UMOD: variants seen among roughly 807,000 people sequenced by gnomAD.
UMOD encodes the protein uromodulin.
Under a neutral mutation model 66.0 loss-of-function variants are expected in UMOD, and 64 were observed. The ratio of observed to expected loss-of-function variants is 0.97; its 90% CI spans 0.79 to 1.19. UMOD has a LOEUF of 1.19. Ranked by LOEUF, UMOD falls within the 50% of genes most tolerant of loss-of-function variation. The pLI, the probability that UMOD is intolerant of heterozygous loss-of-function variation, is 0.00. For synonymous variants in UMOD, 398 were observed against 352.7 expected, an observed-to-expected ratio of 1.13 and a Z score of -1.44; for missense variants, 764 against 850.9, an observed-to-expected ratio of 0.90 and a Z score of 1.27.
rs752229557 is a variant in UMOD, at chr16:20,344,005, G to T, written c.1331+19C>A. 2 of 1,612,862 alleles carry T rather than the reference G, an allele frequency of 1.2e-6. No individual in the cohort carries two copies. The highest frequency in any genetic ancestry group is 1.7e-6 in the Non-Finnish European group (2 of 1,179,966). ...GGTTAGAACCATCTAGGGGCCCTAG[G>T]GACCCTCTCTGGCCACACCTGACCA... On this transcript the variant is annotated intron_variant, in intron 6 of 10. Coordinates refer to ENST00000396138, the MANE Select transcript of UMOD (RefSeq NM_003361.4).
intron 4 of UMOD, among the ~76,000 whole-genome samples, chr16:20,346,873 AAAAGAAAGAGAGAAAGAAAG>A (rs1190497992): frequency 8.9e-6 from 1 of 112,414 alleles, no homozygotes; most frequent in South Asian, 3.2e-4. Context: ...TATAATAAAA[AAAAGAAAGAGAGAAAGAAAG>A]AAAGAAAGAA....
At chr16:20,338,804 A>G (rs1965022176) in intron 7 of UMOD, among the ~76,000 whole-genome samples, 1 of 149,744 alleles carries the variant, frequency 6.7e-6, no homozygotes, top group African/African-American at 2.5e-5. Flanking sequence ...TTGTTGCCCA[A>G]GCTGGAGTGC....
chr16:20,353,291 T>A (rs1169577748), upstream of UMOD, among the ~76,000 whole-genome samples: 3 of 152,166 alleles, frequency 2.0e-5, no homozygotes, highest in Non-Finnish European at 4.4e-5. Context: ...TGACCCACTC[T>A]GTACAACAAA....
chr16:20,346,481 A>C, intron 4 of UMOD, 147 bp from the exon 5 acceptor site: 1 of 780,134 alleles, frequency 1.3e-6, no homozygotes, highest in Non-Finnish European at 2.2e-6. Flanking sequence ...TCCCAATGTG[A>C]TGGGGACTCA....
chr16:20,346,095 C>G, intron 5 of UMOD, 31 bp downstream of exon 5: 1 of 1,604,404 alleles, frequency 6.2e-7, no homozygotes, highest in Non-Finnish European at 8.5e-7. Context: ...AGGCAGTGCT[C>G]TGGTTCTGTC....
intron 10 of UMOD, 44 bp from the exon 11 acceptor site, chr16:20,333,419 C>T: frequency 6.4e-7 from 1 of 1,574,244 alleles, no homozygotes; most frequent in Non-Finnish European, 8.7e-7. Context: ...TACTGCTGTA[C>T]TTTTGTGCAA....
intron 6 of UMOD, among the ~76,000 whole-genome samples, chr16:20,343,654 A>G (rs1218484113): frequency 6.6e-6 from 1 of 152,186 alleles, no homozygotes; most frequent in Non-Finnish European, 1.5e-5. Flanking sequence ...CTCCCATATC[A>G]TTTAATTCTT....
intron 7 of UMOD, among the ~76,000 whole-genome samples, chr16:20,339,051 G>A (rs866939380): frequency 6.6e-6 from 1 of 152,202 alleles, no homozygotes; most frequent in Non-Finnish European, 1.5e-5. Context: ...GTGAGCCATC[G>A]TGCCCGTTAT....
chr16:20,346,659 G>A (rs764072820), intron 4 of UMOD, among the ~76,000 whole-genome samples: 2 of 152,228 alleles, frequency 1.3e-5, no homozygotes, highest in African/African-American at 4.8e-5. Context: ...GGCTAGATGC[G>A]GTGGCTCATG....
intron 2 of UMOD, among the ~76,000 whole-genome samples, chr16:20,350,094 T>A (rs896229578): frequency 2.0e-5 from 3 of 152,018 alleles, no homozygotes; most frequent in Admixed American, 6.6e-5. Context: ...AGAACCAGGA[T>A]AAAAACGCAG....
Position 20,335,473 on chromosome 16 carries a change from T to C in UMOD, c.1861+9A>G, listed in dbSNP as rs1567299100. The C allele has an allele frequency of 6.2e-7, 1 of 1,614,058 alleles. No homozygotes were observed. On this transcript the variant is annotated intron_variant, in intron 10 of 10. Coordinates refer to ENST00000396138, the MANE Select transcript of UMOD (RefSeq NM_003361.4). ...AACAGGTCCCACTGCAGAAAGGACCTGAACTTACCCAAGCTGCTAAAAGCC... is the reference window on the plus strand; with the variant it reads ...AACAGGTCCCACTGCAGAAAGGACCCGAACTTACCCAAGCTGCTAAAAGCC...
chr16:20,344,496 G>A lies in UMOD; in HGVS notation c.1183-324C>T, dbSNP rs572277552. On this transcript the variant is annotated intron_variant, in intron 5 of 10. Coordinates refer to ENST00000396138, the MANE Select transcript of UMOD (RefSeq NM_003361.4). ...TGGGTGCCTGTAATCCCAACTACTC[G>A]GGAGGCTGAGACAGGAGAATCGCTT... Among the ~76,000 whole-genome samples, 4 of 151,810 alleles carry A rather than the reference G, an allele frequency of 2.6e-5. No individual in the cohort carries two copies. The East Asian group carries it at 7.8e-4, about 29-fold the overall frequency.
At chr16:20,352,990 A>G (rs1001770424), upstream of UMOD, 3 of 347,546 alleles carry the variant, frequency 8.6e-6, no homozygotes, top group Non-Finnish European at 1.5e-5. Context: ...GAGATTCCAT[A>G]GTTAGAAATT....
In UMOD at chr16:20,348,437, T is replaced by A; in HGVS notation, c.864A>T (p.Thr288=). Residue 288 remains threonine, a splice_region_variant and synonymous_variant, in exon 3 of 11, where the codon ACA becomes ACT. Transcript: ENST00000396138. ...GACTGTGGGGAGACTCCGGCTGACC[T>A]GTGCAGTACGCCAGGTGACACTCGG... is the stretch of plus-strand genomic sequence containing the variant. ...APPECHLAYC[T]DPSSVEGTCE... 6.2e-7 allele frequency: 1 copy of A among 1,613,886 alleles called. No homozygotes were observed. Among genetic ancestry groups the A allele is most frequent in the Non-Finnish European group, 8.5e-7 (1 of 1,179,952 alleles).
chr16:20,345,463 C>T (rs868567728), intron 5 of UMOD, among the ~76,000 whole-genome samples: 769 of 54,804 alleles, frequency 0.014, 15 homozygotes, highest in African/African-American at 0.058. Flanking sequence ...CCTTTCTTTC[C>T]TTCCTTCCTT....
upstream of UMOD, among the ~76,000 whole-genome samples, chr16:20,353,180 C>T (rs1965969182): frequency 6.6e-6 from 1 of 152,104 alleles, no homozygotes; most frequent in African/African-American, 2.4e-5. Context: ...TCTGAAACAC[C>T]CATTCTCATG....
At chr16:20,349,689 A>G in intron 2 of UMOD, 1 of 1,477,048 alleles carries the variant, frequency 6.8e-7, no homozygotes, top group Non-Finnish European at 9.0e-7. Context: ...CAGAAAAGTA[A>G]TGCGCAGAAT....
At position 20,338,900 on chromosome 16, in the gene UMOD, C is replaced by T. The variant is rs533545285; in HGVS notation, c.1578-1447G>A. ...TCAGCCTCCCAAGTAGCTGGGATGACAGGCGCCCACCACCATGCCTGTCTA... is the reference window on the plus strand; with the variant it reads ...TCAGCCTCCCAAGTAGCTGGGATGATAGGCGCCCACCACCATGCCTGTCTA... On this transcript the variant is annotated intron_variant, in intron 7 of 10. Transcript: ENST00000396138. Among the ~76,000 whole-genome samples, 7 of 152,306 alleles carry T rather than the reference C, an allele frequency of 4.6e-5. No homozygotes were observed. In the South Asian group the frequency reaches 1.4e-3, roughly 32 times the overall value.
In UMOD at chr16:20,333,155, G is replaced by T. The variant is rs1364896560; in HGVS notation, c.*159C>A. Reference sequence around the variant, plus strand: ...AGAAAAAGCAGCATTTAAAGACACAGGCTGTTTCTCGACAGCCAGGATTAA... The same window carrying T: ...AGAAAAAGCAGCATTTAAAGACACATGCTGTTTCTCGACAGCCAGGATTAA... On this transcript the variant is annotated 3_prime_UTR_variant, in exon 11 of 11. Transcript: ENST00000396138. The T allele has an allele frequency of 1.2e-5, 9 of 762,532 alleles. No homozygotes were observed. In the Admixed American group the frequency reaches 1.7e-4, roughly 14 times the overall value. The allele number at this position is 762,532 out of a possible 1,614,324, so 47.2% of individuals were successfully genotyped here.
Sources: allele counts gnomAD v4.1 joint callset (sites outside exome capture counted in the v4.1 genomes callset), GRCh38; gene constraint gnomAD v4.1.1; transcripts MANE v1.5; gene names NCBI Gene and HGNC (gene_info 2026-07-23, HGNC 2026-07-21).